Variants in SYNE2 observed in about 807,000 individuals in gnomAD.
SYNE2 encodes nesprin-2.
In SYNE2, 431 loss-of-function variants were observed where a neutral mutation model predicts 856.3. The observed-to-expected ratio is 0.50, with a 90% CI of 0.47 to 0.55. The LOEUF (loss-of-function observed/expected upper bound fraction) is 0.55. Ranked by LOEUF, SYNE2 falls within the 20% of genes least tolerant of loss-of-function variation. The pLI is 0.00. For synonymous variants in SYNE2, 2,923 were observed against 2,872.3 expected (o/e 1.02, Z -0.56); for missense variants, 8,129 against 8,023.2 (o/e 1.01, Z -0.50).
chr14:64,126,503 TG>T (rs768005181), intron 72 of SYNE2, 24 bp downstream of exon 72: 24 of 1,613,986 alleles, frequency 1.5e-5, no homozygotes, highest in Non-Finnish European at 1.7e-5. Context: ...CACGAGCCCA[TG>T]TGTTGGCCAT....
chr14:64,010,093 A>T lies in SYNE2; in HGVS notation c.4705A>T (p.Asn1569Tyr). The T allele has an allele frequency of 6.2e-6, 10 of 1,613,290 alleles. No homozygotes were observed. Among genetic ancestry groups the T allele is most frequent in the Non-Finnish European group, 7.6e-6 (9 of 1,179,592 alleles). ...SLQASYMGKE[N>Y]LKKRIAEIEI... ...GCAGGCTTCGTACATGGGAAAGGAG[A>T]ACCTGAAGAAAAGGATAGCAGAGGT... The change falls in exon 32 of 116, where the codon AAC becomes TAC. Residue 1569 changes from asparagine (N) to tyrosine (Y), a missense_variant. Physicochemically the swap from Asn to Tyr is moderately radical, Grantham distance 143. Coordinates refer to ENST00000555002, the MANE Select transcript of SYNE2 (RefSeq NM_182914.3).
intron 1 of SYNE2, among the ~76,000 whole-genome samples, chr14:63,840,504 C>A (rs1336069220): frequency 6.2e-5 from 9 of 144,672 alleles, no homozygotes; most frequent in African/African-American, 2.3e-4. Context: ...CTCCTCCTTC[C>A]TTCCTTCCTT....
intron 7 of SYNE2, among the ~76,000 whole-genome samples, chr14:63,952,891 T>C (rs1397826530): frequency 6.6e-6 from 1 of 152,210 alleles, no homozygotes; most frequent in Non-Finnish European, 1.5e-5. Context: ...TTTTCATGCT[T>C]TTTGTGGGAT....
At chr14:64,027,053 C>T (rs1317900915) in intron 42 of SYNE2, among the ~76,000 whole-genome samples, 5 of 152,108 alleles carry the variant, frequency 3.3e-5, no homozygotes. Context: ...TACAATGGTA[C>T]ATTTAATATT....
intron 87 of SYNE2, 104 bp downstream of exon 87, chr14:64,159,546 G>A: frequency 7.4e-7 from 1 of 1,360,372 alleles, no homozygotes; most frequent in East Asian, 2.5e-5. Flanking sequence ...CCTCTGAGAT[G>A]ACTGGTTTCC....
chr14:63,838,122 C>A (rs528515336), intron 1 of SYNE2, among the ~76,000 whole-genome samples: 2 of 152,164 alleles, frequency 1.3e-5, no homozygotes, highest in South Asian at 4.2e-4. Flanking sequence ...GTAATCCCAG[C>A]GCTTTGGGAG....
At chr14:64,026,090 GTAAA>G (rs1291968446) in intron 41 of SYNE2, among the ~76,000 whole-genome samples, 1 of 152,160 alleles carries the variant, frequency 6.6e-6, no homozygotes, top group Non-Finnish European at 1.5e-5. Flanking sequence ...GTGAGACTTA[GTAAA>G]TAATCAGAAT....
chr14:63,980,756 G>C, intron 15 of SYNE2, 24 bp downstream of exon 15: 1 of 1,455,522 alleles, frequency 6.9e-7, no homozygotes, highest in Non-Finnish European at 9.6e-7. Context: ...GTTACTTTCT[G>C]ATGGAATGAC....
chr14:63,912,142 C>T (rs2095480922), intron 2 of SYNE2, among the ~76,000 whole-genome samples: 1 of 152,030 alleles, frequency 6.6e-6, no homozygotes, highest in Admixed American at 6.6e-5. Context: ...GTTCCCATAC[C>T]TATAAGATGA....
At chr14:64,077,651 T>C (rs2097476999) in intron 54 of SYNE2, among the ~76,000 whole-genome samples, 1 of 152,078 alleles carries the variant, frequency 6.6e-6, no homozygotes, top group African/African-American at 2.4e-5. Flanking sequence ...TTTTTTTTAA[T>C]TTACAAAACA....
chr14:63,793,189 G>T (rs1887796291), intron 1 of SYNE2, among the ~76,000 whole-genome samples: 1 of 152,142 alleles, frequency 6.6e-6, no homozygotes, highest in South Asian at 2.1e-4. Flanking sequence ...CCAGGAGGAG[G>T]AATTTCCTGA....
At chr14:64,062,381 A>G (rs1448510641) in intron 49 of SYNE2, among the ~76,000 whole-genome samples, 1 of 152,238 alleles carries the variant, frequency 6.6e-6, no homozygotes, top group East Asian at 1.9e-4. Context: ...CAGAAGCTGC[A>G]TTAATGGGTC....
At chr14:64,122,774 G>A (rs1338179133) in intron 70 of SYNE2, among the ~76,000 whole-genome samples, 1 of 152,172 alleles carries the variant, frequency 6.6e-6, no homozygotes, top group Non-Finnish European at 1.5e-5. Context: ...CTCAGTTACT[G>A]TTTGTTGAAT....
intron 1 of SYNE2, among the ~76,000 whole-genome samples, chr14:63,845,318 A>C (rs1376798759): frequency 6.6e-6 from 1 of 151,930 alleles, no homozygotes; most frequent in Non-Finnish European, 1.5e-5. Flanking sequence ...TGGGAGGCTG[A>C]GGCAGGAGAA....
chr14:64,157,573 T>A (rs1462493394), intron 85 of SYNE2, among the ~76,000 whole-genome samples: 2 of 152,162 alleles, frequency 1.3e-5, no homozygotes, highest in Non-Finnish European at 2.9e-5. Flanking sequence ...TATGTGAACA[T>A]ACGCTTTTAA....
chr14:63,906,093 G>A (rs2095406662), intron 1 of SYNE2, among the ~76,000 whole-genome samples: 1 of 152,070 alleles, frequency 6.6e-6, no homozygotes, highest in Admixed American at 6.5e-5. Flanking sequence ...CTGTTTATGT[G>A]GTGAATCACA....
intron 78 of SYNE2, among the ~76,000 whole-genome samples, chr14:64,134,728 G>A (rs545708436): frequency 1.3e-5 from 2 of 151,930 alleles, no homozygotes; most frequent in Non-Finnish European, 2.9e-5. Flanking sequence ...TGTAATCCTA[G>A]CACTTTGGGA....
At chr14:63,983,689 A>G (rs190549268) in intron 17 of SYNE2, 48 bp from the exon 18 acceptor site, 4 of 1,489,292 alleles carry the variant, frequency 2.7e-6, no homozygotes, top group African/African-American at 2.8e-5. Context: ...GTATATTAGC[A>G]TAAAATAAAA....
At chr14:64,186,640 C>A in intron 97 of SYNE2, 61 bp downstream of exon 97, 1 of 1,600,328 alleles carries the variant, frequency 6.2e-7, no homozygotes, top group South Asian at 1.1e-5. Flanking sequence ...CTCTGAAGGC[C>A]AGACAAAGTA....
Sources: gnomAD v4.1 joint callset for allele counts (sites outside exome capture counted in the v4.1 genomes callset) on GRCh38, gnomAD v4.1.1 for gene constraint, MANE v1.5 for transcripts, NCBI Gene and HGNC (gene_info 2026-07-23, HGNC 2026-07-21) for gene names.